Variants in NEK11 observed in about 807,000 individuals in gnomAD.
NEK11 encodes the protein NIMA related kinase 11, also known as serine/threonine-protein kinase Nek11.
NEK11 carries 72 observed loss-of-function variants against 80.7 expected under a neutral mutation model. The observed-to-expected ratio is 0.89, with a 90% CI of 0.74 to 1.08. The LOEUF is 1.08. Among genes scored for constraint, NEK11 ranks in the 50% least tolerant of loss-of-function variants. NEK11 has a pLI of 0.00. For synonymous variants in NEK11, 251 were observed against 260.7 expected, an observed-to-expected ratio of 0.96 and a Z score of 0.36; for missense variants, 764 against 763.6, an observed-to-expected ratio of 1.00 and a Z score of -0.01.
chr3:131,295,296 T>A (rs1312087180), intron 17 of NEK11, among the ~76,000 whole-genome samples: 3 of 126,328 alleles, frequency 2.4e-5, no homozygotes, highest in African/African-American at 7.8e-5. Context: ...AGATTTGGGA[T>A]TTTTTTTTTT....
At chr3:131,079,839 A>G (rs1305134001) in intron 3 of NEK11, among the ~76,000 whole-genome samples, 2 of 152,180 alleles carry the variant, frequency 1.3e-5, no homozygotes, top group Admixed American at 6.5e-5. Context: ...TCCTATTGAT[A>G]TTAAGTCGAT....
chr3:131,214,539 C>G (rs2094749840), intron 14 of NEK11, among the ~76,000 whole-genome samples: 1 of 152,144 alleles, frequency 6.6e-6, no homozygotes, highest in Non-Finnish European at 1.5e-5. Flanking sequence ...CTTTTACTCT[C>G]TAAAGCAGGA....
intron 5 of NEK11, among the ~76,000 whole-genome samples, chr3:131,128,378 T>C (rs1309990387): frequency 1.3e-5 from 2 of 152,204 alleles, no homozygotes; most frequent in African/African-American, 4.8e-5. Flanking sequence ...AGTTTAACAT[T>C]TTCCAGATTG....
chr3:131,119,158 T>C lies in NEK11; in HGVS notation c.455+9237T>C, dbSNP rs566449015. On this transcript the variant is annotated intron_variant, in intron 5 of 17. Coordinates refer to ENST00000383366, the MANE Select transcript of NEK11 (RefSeq NM_024800.5). ...CGCTTTAAATGTGTCCCAGAGATTCTGGTATGTTGTGTCTTTGTTCTCATT... is the reference window on the plus strand; with the variant it reads ...CGCTTTAAATGTGTCCCAGAGATTCCGGTATGTTGTGTCTTTGTTCTCATT... 4.6e-5 allele frequency among the ~76,000 whole-genome samples: 7 copies of C among 152,324 alleles called. No individual in the cohort carries two copies. In the South Asian group the frequency reaches 1.4e-3, roughly 32 times the overall value.
chr3:131,032,883 C>G (rs775463179), intron 3 of NEK11, among the ~76,000 whole-genome samples: 6 of 152,090 alleles, frequency 3.9e-5, no homozygotes, highest in Non-Finnish European at 7.4e-5. Flanking sequence ...TAAAGGAAGC[C>G]TAAGAAAACT....
chr3:131,027,694 T>C (rs1577139798), intron 1 of NEK11: 1 of 147,422 alleles, frequency 6.8e-6, no homozygotes, highest in Non-Finnish European at 1.5e-5. Flanking sequence ...CATTCTTGGG[T>C]AGGTTTATGG....
At chr3:131,056,258 G>T (rs2069471535) in intron 3 of NEK11, among the ~76,000 whole-genome samples, 1 of 152,196 alleles carries the variant, frequency 6.6e-6, no homozygotes, top group Admixed American at 6.5e-5. Flanking sequence ...AATTGGAATA[G>T]AGAGATCTAG....
At position 131,315,683 on chromosome 3, in the gene NEK11, G is replaced by GTTAT. The variant is rs1365343740; in HGVS notation, c.1719-33871_1719-33868dup. On this transcript the variant is annotated intron_variant, in intron 17 of 17. Transcript: ENST00000383366. ...CAGGTATTAAGCCCAGCATCCATTA[G>GTTAT]TTATTTTTCCTGATGCTATCCCTCC... 8.6e-5 allele frequency among the ~76,000 whole-genome samples: 13 copies of GTTAT among 151,990 alleles called. No individual in the cohort carries two copies. In the East Asian group the frequency reaches 2.3e-3, roughly 27 times the overall value.
chr3:131,174,794 G>GTTT (rs1007687898), intron 14 of NEK11: 13 of 1,610,704 alleles, frequency 8.1e-6, no homozygotes, highest in Non-Finnish European at 1.0e-5. Context: ...TCAGAGCAGT[G>GTTT]TTTTTTCCAA....
At position 131,116,218 on chromosome 3, in the gene NEK11, G is replaced by A. The variant is rs543158027; in HGVS notation, c.455+6297G>A. On this transcript the variant is annotated intron_variant, in intron 5 of 17. Coordinates refer to ENST00000383366, the MANE Select transcript of NEK11 (RefSeq NM_024800.5). The stretch of plus-strand genomic sequence containing the variant: ...TCAGTTCTCACCTATGAGTGAGAAC[G>A]TGCAGTGTTTGGTTTTCTGTCCTTC... Among the ~76,000 whole-genome samples, 9 of 151,864 alleles carry A rather than the reference G, an allele frequency of 5.9e-5. No homozygotes were observed. In the South Asian group the frequency reaches 1.3e-3, roughly 21 times the overall value.
intron 16 of NEK11, among the ~76,000 whole-genome samples, chr3:131,251,418 T>C (rs577617011): frequency 1.6e-4 from 24 of 152,094 alleles, no homozygotes; most frequent in Non-Finnish European, 2.9e-4. Context: ...TTAGTGTGCC[T>C]GCTATTAAGG....
At chr3:131,190,953 CAATT>C (rs2093771121) in intron 14 of NEK11, among the ~76,000 whole-genome samples, 1 of 152,030 alleles carries the variant, frequency 6.6e-6, no homozygotes, top group Non-Finnish European at 1.5e-5. Context: ...AGCAGGAAAT[CAATT>C]AATAGTATCT....
At chr3:131,125,892 G>A (rs548863951) in intron 5 of NEK11, among the ~76,000 whole-genome samples, 1 of 152,314 alleles carries the variant, frequency 6.6e-6, no homozygotes, top group South Asian at 2.1e-4. Flanking sequence ...CATTGGTAGG[G>A]CCAGATCTTG....
chr3:131,029,819 T>A lies in NEK11; in HGVS notation c.111T>A (p.Ser37Arg). The change falls in exon 3 of 18, where the codon AGT (serine) becomes AGA (arginine). Residue 37 changes from serine to arginine, a missense_variant. By Grantham distance (110) the Ser-to-Arg change is moderately radical. Transcript: ENST00000383366. ...RRYVLQQKLG[S>R]GSFGTVYLVS... ...ACGTGCTTCAACAAAAACTTGGCAG[T>A]GGAAGTTTTGGAACTGTCTATCTGG... The A allele has an allele frequency of 6.2e-7, 1 of 1,614,210 alleles. No homozygotes were observed. Among genetic ancestry groups the A allele is most frequent in the African/African-American group, 1.3e-5 (1 of 75,058 alleles).
chr3:131,174,033 A>G (rs1035623598), intron 14 of NEK11, among the ~76,000 whole-genome samples: 6 of 152,190 alleles, frequency 3.9e-5, no homozygotes, highest in African/African-American at 1.4e-4. Flanking sequence ...CTGTCTGTAA[A>G]TTCATACCTT....
chr3:131,337,313 T>C (rs2097201902), intron 17 of NEK11, among the ~76,000 whole-genome samples: 1 of 152,002 alleles, frequency 6.6e-6, no homozygotes, highest in African/African-American at 2.4e-5. Context: ...ATGTCCTTTG[T>C]AGGGACATGG....
intron 3 of NEK11, among the ~76,000 whole-genome samples, chr3:131,032,033 C>G (rs1027712966): frequency 4.0e-5 from 6 of 151,270 alleles, no homozygotes; most frequent in Non-Finnish European, 8.8e-5. Flanking sequence ...ACGATCTTGG[C>G]TCACTGCAAC....
Position 131,260,372 on chromosome 3 carries a change from G to C in NEK11, c.1622-13106G>C, listed in dbSNP as rs116464343. Among the ~76,000 whole-genome samples, 1,420 of 152,208 alleles carry C rather than the reference G, an allele frequency of 9.3e-3. 32 individuals carry two copies. Among genetic ancestry groups the C allele is most frequent in the African/African-American group, 0.032 (1,334 of 41,528 alleles). On this transcript the variant is annotated intron_variant, in intron 16 of 17. Transcript: ENST00000383366. ...TGAGTCTTCACACCTGTAAGATGAA[G>C]AAATTTGACTTGAGGTGTTCTAGGG...
chr3:131,118,903 T>G (rs1223301524), intron 5 of NEK11, among the ~76,000 whole-genome samples: 1 of 152,222 alleles, frequency 6.6e-6, no homozygotes, highest in African/African-American at 2.4e-5. Context: ...TCAATTTTGT[T>G]GATCTTTTGA....
Sources: allele counts gnomAD v4.1 joint callset (sites outside exome capture counted in the v4.1 genomes callset), GRCh38; gene constraint gnomAD v4.1.1; transcripts MANE v1.5; gene names NCBI Gene and HGNC (gene_info 2026-07-23, HGNC 2026-07-21).